Variants in SLA observed in about 807,000 individuals in gnomAD.
SLA encodes the protein Src like adaptor.
In SLA, 16 loss-of-function variants were observed where a neutral mutation model predicts 30.3. The ratio of observed to expected loss-of-function variants is 0.53; its 90% CI spans 0.36 to 0.80. The LOEUF is 0.80. Ranked by LOEUF, SLA falls within the 30% of genes least tolerant of loss-of-function variation. The pLI is 0.01. For synonymous variants in SLA, 143 were observed against 137.8 expected, an observed-to-expected ratio of 1.04 and a Z score of -0.26; for missense variants, 310 against 345.2, an observed-to-expected ratio of 0.90 and a Z score of 0.81.
chr8:133,043,634 A>G (rs1838745842), intron 7 of SLA, among the ~76,000 whole-genome samples: 1 of 152,178 alleles, frequency 6.6e-6, no homozygotes, highest in Non-Finnish European at 1.5e-5. Context: ...ACCTTGCCCA[A>G]GGCCTCACAA....
intron 2 of SLA, among the ~76,000 whole-genome samples, chr8:133,062,931 A>G (rs1001937587): frequency 6.6e-6 from 1 of 152,160 alleles, no homozygotes; most frequent in African/African-American, 2.4e-5. Flanking sequence ...CACATGTGAC[A>G]TGCACAGGCT....
chr8:133,078,138 G>A (rs1437673598), intron 1 of SLA, among the ~76,000 whole-genome samples: 3 of 152,192 alleles, frequency 2.0e-5, no homozygotes, highest in Non-Finnish European at 2.9e-5. Flanking sequence ...CCTTTGGGTG[G>A]CTGTGTCACC....
At chr8:133,095,504 CAT>C (rs1345152384) in intron 1 of SLA, among the ~76,000 whole-genome samples, 1 of 152,192 alleles carries the variant, frequency 6.6e-6, no homozygotes, top group Non-Finnish European at 1.5e-5. Context: ...TGAAGTCACA[CAT>C]GTGAAGGATT....
At position 133,042,052 on chromosome 8, in the gene SLA, G is replaced by T. The variant is rs541443800; in HGVS notation, c.485-1922C>A. 2.0e-5 allele frequency among the ~76,000 whole-genome samples: 3 copies of T among 152,088 alleles called. No individual in the cohort carries two copies. The South Asian group carries it at 6.2e-4, about 32-fold the overall frequency. ...TCCACCCACCTCAGCCTCCCAAAGT[G>T]CTGGGATTACAGGTGTGAGCCACCA... is the stretch of plus-strand genomic sequence containing the variant. On this transcript the variant is annotated intron_variant, in intron 7 of 8. Transcript: ENST00000338087.
chr8:133,090,950 C>G (rs968474663), intron 1 of SLA, among the ~76,000 whole-genome samples: 3 of 152,136 alleles, frequency 2.0e-5, no homozygotes, highest in African/African-American at 7.2e-5. Flanking sequence ...GCTCTGGCAC[C>G]TGCAGCCTAG....
intron 1 of SLA, among the ~76,000 whole-genome samples, chr8:133,099,178 A>T (rs998989248): frequency 1.3e-5 from 2 of 152,382 alleles, no homozygotes; most frequent in East Asian, 3.9e-4. Flanking sequence ...CTAAGGGCAC[A>T]GCAGAGCAGC....
At chr8:133,059,938 T>C (rs1185875835) in intron 3 of SLA, among the ~76,000 whole-genome samples, 162 bp downstream of exon 3, 1 of 152,234 alleles carries the variant, frequency 6.6e-6, no homozygotes, top group East Asian at 1.9e-4. Flanking sequence ...CTTTTAATTA[T>C]GAAGTATTTG....
At chr8:133,049,190 G>A (rs1410235612) in intron 5 of SLA, 2 of 455,998 alleles carry the variant, frequency 4.4e-6, no homozygotes, top group Admixed American at 2.4e-5. Flanking sequence ...ACGACTACAG[G>A]GGAAAGCAGG....
intron 6 of SLA, among the ~76,000 whole-genome samples, 185 bp from the exon 7 acceptor site, chr8:133,045,300 CT>C (rs1453320531): frequency 2.6e-5 from 4 of 151,708 alleles, no homozygotes; most frequent in Non-Finnish European, 5.9e-5. Context: ...CCGTTAGAGA[CT>C]GCAGAAGTGT....
intron 1 of SLA, among the ~76,000 whole-genome samples, chr8:133,078,062 C>T (rs1845176274): frequency 6.6e-6 from 1 of 152,174 alleles, no homozygotes; most frequent in African/African-American, 2.4e-5. Flanking sequence ...TGTGTGGACT[C>T]AGCTCTGCAG....
At chr8:133,077,735 A>ATGTGTGTGTGTG (rs34749093) in intron 1 of SLA, among the ~76,000 whole-genome samples, 2 of 148,174 alleles carry the variant, frequency 1.3e-5, no homozygotes, top group African/African-American at 2.5e-5. Context: ...TCTGGTGTGT[A>ATGTGTGTGTGTG]TGTGTGTGTG....
At chr8:133,100,708 C>T (rs1399352515) in intron 1 of SLA, among the ~76,000 whole-genome samples, 1 of 152,202 alleles carries the variant, frequency 6.6e-6, no homozygotes, top group African/African-American at 2.4e-5. Flanking sequence ...TGAGAGCCTT[C>T]CATCTACCAT....
chr8:133,090,124 A>G lies in SLA; in HGVS notation c.-319+12429T>C, dbSNP rs185860147. 3 of 152,344 alleles carry G rather than the reference A, an allele frequency of 2.0e-5. No individual in the cohort carries two copies. The East Asian group carries it at 5.8e-4, about 29-fold the overall frequency. The allele number at this position is 152,344 out of a possible 1,614,324, so 9.4% of individuals were successfully genotyped here. A position where few individuals can be genotyped will look rare whatever the true frequency, so the allele number is the denominator to read the frequency against. On this transcript the variant is annotated intron_variant, in intron 1 of 8. Transcript: ENST00000338087. ...TTTGTGACTCACTTTGCCTGGAATA[A>G]AATAGAGTCAAAAGAAATACAAGGT...
Position 133,055,363 on chromosome 8 carries a change from GCGCACACACACACACACA to G in SLA, c.62-4466_62-4449del, listed in dbSNP as rs1475329342. Among the ~76,000 whole-genome samples the G allele has an allele frequency of 1.2e-3, 38 of 32,020 alleles. 1 individual carries two copies. Among genetic ancestry groups the G allele is most frequent in the African/African-American group, 4.9e-3 (24 of 4,882 alleles). 21.0% of individuals were successfully genotyped at this position (32,020 alleles called of 152,430 possible). ...ATCTTCAGGACACACACACGCACGC[GCGCACACACACACACACA>G]CACACACACACACACACACACACAC... On this transcript the variant is annotated intron_variant, in intron 3 of 8. Coordinates refer to ENST00000338087, the MANE Select transcript of SLA (RefSeq NM_001045556.3).
intron 2 of SLA, among the ~76,000 whole-genome samples, chr8:133,068,700 C>T (rs772152783): frequency 3.3e-5 from 5 of 152,140 alleles, no homozygotes; most frequent in South Asian, 4.1e-4. Context: ...AGTGAGTGGG[C>T]GTCTTATGAA....
At chr8:133,092,756 C>A (rs7818576) in intron 1 of SLA, among the ~76,000 whole-genome samples, 5,478 of 152,222 alleles carry the variant, frequency 0.036, 335 homozygotes, top group African/African-American at 0.13. Context: ...CTCCTGCCCC[C>A]GAGTGCTTTG....
chr8:133,056,258 A>G (rs1182953891), intron 3 of SLA, among the ~76,000 whole-genome samples: 1 of 152,206 alleles, frequency 6.6e-6, no homozygotes, highest in East Asian at 1.9e-4. Context: ...ATGTTCATCA[A>G]TGTACAATTA....
intron 1 of SLA, among the ~76,000 whole-genome samples, chr8:133,081,621 A>T (rs1845762492): frequency 6.6e-6 from 1 of 152,122 alleles, no homozygotes; most frequent in Non-Finnish European, 1.5e-5. Flanking sequence ...GTCCACCACA[A>T]CTGTCTGCTG....
chr8:133,091,792 G>A (rs1252479135), intron 1 of SLA, among the ~76,000 whole-genome samples: 2 of 152,008 alleles, frequency 1.3e-5, no homozygotes, highest in Admixed American at 6.6e-5. Context: ...GTGTTTCTAA[G>A]TGTGGGTCTC....
Sources: gnomAD v4.1 joint callset for allele counts (sites outside exome capture counted in the v4.1 genomes callset) on GRCh38, gnomAD v4.1.1 for gene constraint, MANE v1.5 for transcripts, NCBI Gene and HGNC (gene_info 2026-07-23, HGNC 2026-07-21) for gene names.